The following CXXC1 variants were observed in gnomAD, a reference collection of about 807,000 sequenced individuals.
CXXC1 encodes CXXC finger protein 1.
In CXXC1, 21 loss-of-function variants were observed where a neutral mutation model predicts 83.6. The ratio of observed to expected loss-of-function variants is 0.25; its 90% CI spans 0.18 to 0.36. The LOEUF (loss-of-function observed/expected upper bound fraction) is 0.36. Ranked by LOEUF, CXXC1 falls within the 10% of genes least tolerant of loss-of-function variation. CXXC1 has a pLI of 1.00. For missense variants in CXXC1, 688 were observed against 919.5 expected, an observed-to-expected ratio of 0.75 and a Z score of 3.26; for synonymous variants, 371 against 337.5, an observed-to-expected ratio of 1.10 and a Z score of -1.09.
rs1362083812 is a variant in CXXC1, at chr18:50,283,523, G to A, written c.1566C>T (p.Arg522=). Residue 522 remains arginine (R), a synonymous_variant, in exon 12 of 15, where the codon CGC becomes CGT. Coordinates refer to ENST00000285106, the MANE Select transcript of CXXC1 (RefSeq NM_014593.4). ...QTSFGSMYPT[R]IEGATRLFCD... The stretch of plus-strand genomic sequence containing the variant: ...GTGGCACCCTCACTTACCCTTCAAT[G>A]CGTGTGGGGTACATGGACCCAAAGG... 13 of 1,612,748 alleles carry A rather than the reference G, an allele frequency of 8.1e-6. No homozygotes were observed. Among genetic ancestry groups the A allele is most frequent in the African/African-American group, 4.0e-5 (3 of 74,384 alleles).
At position 50,287,639 on chromosome 18, in the gene CXXC1, ACCT is replaced by A; in HGVS notation, c.-53_-51del. ...CACGACCCCCGCCAGCGACCCGCGA[ACCT>A]GCACAGACCACTCGGCGGCGTCCCA... On this transcript the variant is annotated 5_prime_UTR_variant, in exon 1 of 15. Transcript: ENST00000285106. 1.2e-6 allele frequency: 2 copies of A among 1,604,810 alleles called. No individual in the cohort carries two copies. The highest frequency in any genetic ancestry group is 1.7e-6 in the Non-Finnish European group (2 of 1,178,406).
At position 50,285,495 on chromosome 18, in the gene CXXC1, G is replaced by T; in HGVS notation, c.640-144C>A. ...TTGCCAGGAATGCTCAGCCCTGCCT[G>T]ATCTGTACCAACATGCATGACCACC... is the stretch of plus-strand genomic sequence containing the variant. On this transcript the variant is annotated intron_variant, in intron 5 of 14. Transcript: ENST00000285106. The surrounding 1 kb of genome is among the most constrained non-coding windows in gnomAD (Gnocchi z 4.4). The T allele has an allele frequency of 9.0e-7, 1 of 1,114,852 alleles. No individual in the cohort carries two copies. Among genetic ancestry groups the T allele is most frequent in the Non-Finnish European group, 1.3e-6 (1 of 790,954 alleles). The allele number at this position is 1,114,852 out of a possible 1,614,324, so 69.1% of individuals were successfully genotyped here.
rs752359623 is a variant in CXXC1, at chr18:50,283,480, C to A, written c.1574+35G>T. On this transcript the variant is annotated intron_variant, in intron 12 of 14. Transcript: ENST00000285106. Reference sequence around the variant, plus strand: ...ATCCCACTTCTGACCCCCGCCTTAACCCCCCACCTCTCACTGCGTGGCACC... The same window carrying A: ...ATCCCACTTCTGACCCCCGCCTTAAACCCCCACCTCTCACTGCGTGGCACC... The A allele has an allele frequency of 3.7e-6, 6 of 1,611,638 alleles. No homozygotes were observed. In the East Asian group the frequency reaches 8.9e-5, roughly 24 times the overall value.
Position 50,285,971 on chromosome 18 carries a change from G to T in CXXC1, c.460-43C>A. On this transcript the variant is annotated intron_variant, in intron 4 of 14. Coordinates refer to ENST00000285106, the MANE Select transcript of CXXC1 (RefSeq NM_014593.4). The surrounding 1 kb of genome is among the most constrained non-coding windows in gnomAD (Gnocchi z 4.4). ...GAACAGAAATCATGGACCCAGGCAGGGCTGAAACGGAACCACTTTACACAT... is the reference window on the plus strand; with the variant it reads ...GAACAGAAATCATGGACCCAGGCAGTGCTGAAACGGAACCACTTTACACAT... 6.2e-7 allele frequency: 1 copy of T among 1,613,844 alleles called. No homozygotes were observed. Among genetic ancestry groups the T allele is most frequent in the African/African-American group, 1.3e-5 (1 of 75,056 alleles).
rs1189491013 is a variant in CXXC1 at position 50,282,821 on chromosome 18, C to CATGT, written c.1824+32_1824+33insACAT. 2 of 1,612,662 alleles carry CATGT rather than the reference C, an allele frequency of 1.2e-6. No homozygotes were observed. Among genetic ancestry groups the CATGT allele is most frequent in the African/African-American group, 2.7e-5 (2 of 74,916 alleles). ...GGCCACGTCCGACATGGAAACCTAC[C>CATGT]ACATGCAGCACCAAAACCGCACAGA... On this transcript the variant is annotated intron_variant, in intron 14 of 14. Transcript: ENST00000285106. The surrounding 1 kb of genome is among the most constrained non-coding windows in gnomAD (Gnocchi z 5.8).
In CXXC1 at chr18:50,284,071, G is replaced by A. The variant is rs752546323; in HGVS notation, c.1236C>T (p.Ile412=). The A allele has an allele frequency of 6.2e-7, 1 of 1,609,538 alleles. No individual in the cohort carries two copies. Among genetic ancestry groups the A allele is most frequent in the Non-Finnish European group, 8.5e-7 (1 of 1,179,448 alleles). The change falls in exon 10 of 15, where the codon ATC becomes ATT. Residue 412 remains isoleucine (I), a synonymous_variant. Coordinates refer to ENST00000285106, the MANE Select transcript of CXXC1 (RefSeq NM_014593.4). The part of the protein sequence containing the change: ...NRIYEILPQR[I]QQWQQSPCIA... The stretch of plus-strand genomic sequence containing the variant: ...TGCAAGGGCTCTGCTGCCACTGCTG[G>A]ATGCGCTGGGGGAGGATCTCGTAGA...
chr18:50,287,283 C>T (rs1241821683), intron 1 of CXXC1: 1 of 535,352 alleles, frequency 1.9e-6, no homozygotes, highest in Non-Finnish European at 3.4e-6. Context: ...CTCGTCACGG[C>T]TCACTACAGA....
intron 13 of CXXC1, 85 bp downstream of exon 13, chr18:50,283,180 A>G: frequency 7.5e-7 from 1 of 1,339,212 alleles, no homozygotes; most frequent in Non-Finnish European, 1.1e-6. Context: ...GTGAAGGAAA[A>G]GTGAGGTGAG....
chr18:50,283,782 G>A lies in CXXC1; in HGVS notation c.1447C>T (p.Gln483Ter). Residue 483 changes from glutamine (Q) to a stop codon, truncating the protein, a stop_gained, in exon 11 of 15, where the codon CAG (glutamine) becomes TAG (stop). Coordinates refer to ENST00000285106, the MANE Select transcript of CXXC1 (RefSeq NM_014593.4). LOFTEE classifies it high-confidence loss of function. ...TGCCCACAGGAAACACAGAAGATCT[G>A]CAGGTCTGTGTCATCACTGTCACCC... Reference protein sequence around the residue: ...NEGDSDDTDLQIFCVSCGHPI... With the variant: ...NEGDSDDTDL 1 of 1,614,228 alleles carries A rather than the reference G, an allele frequency of 6.2e-7. No individual in the cohort carries two copies. Among genetic ancestry groups the A allele is most frequent in the Non-Finnish European group, 8.5e-7 (1 of 1,180,018 alleles).
At position 50,282,965 on chromosome 18, in the gene CXXC1, A is replaced by G. The variant is rs1333160761; in HGVS notation, c.1713T>C (p.Asp571=). The G allele has an allele frequency of 1.2e-6, 2 of 1,614,176 alleles. No individual in the cohort carries two copies. The highest frequency in any genetic ancestry group is 1.7e-6 in the Non-Finnish European group (2 of 1,180,038). The change falls in exon 14 of 15, where the codon GAT becomes GAC. Residue 571 remains aspartate, a synonymous_variant. Coordinates refer to ENST00000285106, the MANE Select transcript of CXXC1 (RefSeq NM_014593.4). This position sits in a 1 kb window ranked among gnomAD's most constrained non-coding sequence, Gnocchi z 5.8. Reference sequence around the variant, plus strand: ...AGAAGTCACCCGTGAGCTCAAAGACATCACGTACAAGGGGGCACCCGCATA... The same window carrying G: ...AGAAGTCACCCGTGAGCTCAAAGACGTCACGTACAAGGGGGCACCCGCATA... ...DEVCGCPLVR[D]VFELTGDFCR...
Position 50,285,437 on chromosome 18 carries a change from A to G in CXXC1, c.640-86T>C. The G allele has an allele frequency of 6.9e-7, 1 of 1,445,430 alleles. No homozygotes were observed. The allele number at this position is 1,445,430 out of a possible 1,614,324, so 89.5% of individuals were successfully genotyped here. On this transcript the variant is annotated intron_variant, in intron 5 of 14. Coordinates refer to ENST00000285106, the MANE Select transcript of CXXC1 (RefSeq NM_014593.4). This position sits in a 1 kb window ranked among gnomAD's most constrained non-coding sequence, Gnocchi z 4.4. ...AGCCCTACCCACCTGGCCTGGCCTT[A>G]CCTCCCCAGACACACCTCCCCGCTA...
chr18:50,287,670 C>A lies in CXXC1; in HGVS notation c.-81G>T. ...ACAGACCACTCGGCGGCGTCCCAGG[C>A]GGTTGCAAAGGCGCCCACAACTACT... On this transcript the variant is annotated 5_prime_UTR_variant, in exon 1 of 15. Transcript: ENST00000285106. 20 of 1,583,728 alleles carry A rather than the reference C, an allele frequency of 1.3e-5. No homozygotes were observed. The highest frequency in any genetic ancestry group is 4.4e-5 in the South Asian group (4 of 90,046).
Position 50,283,897 on chromosome 18 carries a change from C to T in CXXC1, c.1410G>A (p.Glu470=), listed in dbSNP as rs760293179. The change falls in exon 10 of 15, where the codon GAG becomes GAA. Residue 470 remains glutamate (E), a synonymous_variant. Transcript: ENST00000285106. ...RAKQQAVRED[E]ESNEGDSDDT... ...TGCTGCGCCCCTGCTTGCTCACCTC[C>T]TCATCCTCGCGCACAGCCTGCTGCT... The T allele has an allele frequency of 1.2e-6, 2 of 1,614,066 alleles. No individual in the cohort carries two copies. Among genetic ancestry groups the T allele is most frequent in the Admixed American group, 3.3e-5 (2 of 60,006 alleles).
In CXXC1 at chr18:50,284,537, C is replaced by T. The variant is rs1409509966; in HGVS notation, c.1046G>A (p.Arg349Gln). ...TTTATCCTTGTGCTTCTGCTTCTGC[C>T]GATGCCGCTTGTATCGCTCCTCCTT... ...KKKEERYKRH[R>Q]QKQKHKDKWK... Residue 349 changes from arginine to glutamine, a missense_variant, in exon 9 of 15, where the codon CGG (arginine) becomes CAG (glutamine). Arg to Gln is a conservative substitution (Grantham distance 43, BLOSUM62 1). Around this residue, in one of 9 missense-constraint regions of CXXC1, gnomAD observed 190 missense variants for 199.7 expected, o/e 0.95. Transcript: ENST00000285106. 4 of 1,591,770 alleles carry T rather than the reference C, an allele frequency of 2.5e-6. No individual in the cohort carries two copies. Among genetic ancestry groups the T allele is most frequent in the East Asian group, 2.2e-5 (1 of 44,656 alleles).
At position 50,287,662 on chromosome 18, in the gene CXXC1, G is replaced by A; in HGVS notation, c.-73C>T. On this transcript the variant is annotated 5_prime_UTR_variant, in exon 1 of 15. In the 5' UTR this introduces an upstream ATG that the reference lacks. Coordinates refer to ENST00000285106, the MANE Select transcript of CXXC1 (RefSeq NM_014593.4). ...GAACCTGCACAGACCACTCGGCGGC[G>A]TCCCAGGCGGTTGCAAAGGCGCCCA... is the stretch of plus-strand genomic sequence containing the variant. 5 of 1,590,924 alleles carry A rather than the reference G, an allele frequency of 3.1e-6. No homozygotes were observed. Among genetic ancestry groups the A allele is most frequent in the Non-Finnish European group, 3.4e-6 (4 of 1,171,548 alleles).
chr18:50,282,758 G>T lies in CXXC1; in HGVS notation c.1825-19C>A, dbSNP rs779048109. Reference sequence around the variant, plus strand: ...TGTACCACTGCCAAGGGAGCGGCAGGAGTCCTAAGCAGGAACACCTGCAGC... The same window carrying T: ...TGTACCACTGCCAAGGGAGCGGCAGTAGTCCTAAGCAGGAACACCTGCAGC... On this transcript the variant is annotated intron_variant, in intron 14 of 14. Coordinates refer to ENST00000285106, the MANE Select transcript of CXXC1 (RefSeq NM_014593.4). The surrounding 1 kb of genome is among the most constrained non-coding windows in gnomAD (Gnocchi z 5.8). The T allele has an allele frequency of 1.1e-5, 17 of 1,613,470 alleles. No homozygotes were observed. Among genetic ancestry groups the T allele is most frequent in the Non-Finnish European group, 8.5e-6 (10 of 1,179,724 alleles).
chr18:50,286,681 G>A, intron 2 of CXXC1, 42 bp from the exon 3 acceptor site: 8 of 1,609,260 alleles, frequency 5.0e-6, no homozygotes, highest in Non-Finnish European at 6.8e-6. Flanking sequence ...GAGGGGCGCG[G>A]CCCATCGGCC....
chr18:50,284,356 G>A (rs1398890077), intron 9 of CXXC1, 22 bp downstream of exon 9: 1 of 1,527,028 alleles, frequency 6.5e-7, no homozygotes, highest in South Asian at 1.3e-5. Flanking sequence ...TGACTCCCTT[G>A]AACCTCTCAG....
In CXXC1 at chr18:50,283,252, G is replaced by T; in HGVS notation, c.1671+13C>A. 1 of 1,610,170 alleles carries T rather than the reference G, an allele frequency of 6.2e-7. No individual in the cohort carries two copies. Among genetic ancestry groups the T allele is most frequent in the South Asian group, 1.1e-5 (1 of 90,962 alleles). Reference sequence around the variant, plus strand: ...GGAGGGGCAAAATGGGAGGAGCTGAGGGAAAACCTTACTTTGGGGTCCCGT... The same window carrying T: ...GGAGGGGCAAAATGGGAGGAGCTGATGGAAAACCTTACTTTGGGGTCCCGT... On this transcript the variant is annotated intron_variant, in intron 13 of 14. Transcript: ENST00000285106.
Sources: gnomAD v4.1 joint callset for allele counts on GRCh38, gnomAD v4.1.1 for gene constraint, gnomAD v4.1.1 regional missense constraint, Gnocchi (gnomAD v3.1) non-coding constraint, MANE v1.5 for transcripts, NCBI Gene and HGNC (gene_info 2026-07-23, HGNC 2026-07-21) for gene names.